PBLD: variants seen among roughly 807,000 people sequenced by gnomAD.
PBLD encodes the protein phenazine biosynthesis like protein domain containing.
Under a neutral mutation model 31.3 loss-of-function variants are expected in PBLD, and 26 were observed. The ratio of observed to expected loss-of-function variants is 0.83; its 90% CI spans 0.61 to 1.15. The LOEUF is 1.15. Among genes scored for constraint, PBLD ranks in the 50% most tolerant of loss-of-function variants. PBLD has a pLI of 0.00. For synonymous variants in PBLD, 114 were observed against 129.0 expected (o/e 0.88, Z 0.79); for missense variants, 307 against 351.7 (o/e 0.87, Z 1.02).
At chr10:68,298,911 C>A (rs958771196) in intron 2 of PBLD, among the ~76,000 whole-genome samples, 3 of 151,742 alleles carry the variant, frequency 2.0e-5, no homozygotes, top group African/African-American at 7.3e-5. Context: ...TTGAGACCAG[C>A]GTAGCCAATA....
Position 68,326,580 on chromosome 10 carries a change from A to T in PBLD, c.-60+6204T>A, listed in dbSNP as rs141951420. 2.1e-3 allele frequency among the ~76,000 whole-genome samples: 314 copies of T among 152,360 alleles called. 1 individual carries two copies. Among genetic ancestry groups the T allele is most frequent in the African/African-American group, 6.8e-3 (281 of 41,584 alleles). On this transcript the variant is annotated intron_variant, in intron 1 of 9. Transcript: ENST00000358769. ...GCTCTTAGGATACTGTACTTACTTT[A>T]AAAATTCTATTAAATTCACTGCTAT... is the stretch of plus-strand genomic sequence containing the variant.
At chr10:68,299,739 C>T (rs7902965) in intron 2 of PBLD, among the ~76,000 whole-genome samples, 18,888 of 151,730 alleles carry the variant, frequency 0.12, 1,580 homozygotes, top group South Asian at 0.25. Context: ...GCCTGTAATC[C>T]CAGCTACTCA....
chr10:68,327,361 T>G (rs188745843), intron 1 of PBLD, among the ~76,000 whole-genome samples: 1 of 152,152 alleles, frequency 6.6e-6, no homozygotes, highest in African/African-American at 2.4e-5. Flanking sequence ...GAGATCTATA[T>G]TTTTATCTAC....
intron 1 of PBLD, among the ~76,000 whole-genome samples, chr10:68,326,075 T>C (rs779432007): frequency 2.0e-5 from 3 of 152,184 alleles, no homozygotes; most frequent in Admixed American, 1.3e-4. Context: ...TTTTGTTTTG[T>C]TTTTGTTTTT....
chr10:68,319,053 G>GAGAAAAAGAAAGAA (rs2044781739), intron 1 of PBLD, among the ~76,000 whole-genome samples: 3 of 98,894 alleles, frequency 3.0e-5, no homozygotes, highest in Middle Eastern at 4.3e-3. Flanking sequence ...AAGAAAGAGA[G>GAGAAAAAGAAAGAA]AGAAAGAAAG....
At chr10:68,305,153 A>G (rs1374374307) in intron 2 of PBLD, among the ~76,000 whole-genome samples, 11 of 151,472 alleles carry the variant, frequency 7.3e-5, no homozygotes, top group Non-Finnish European at 1.6e-4. Context: ...TGAATCCAGG[A>G]GTTTGAGACC....
intron 1 of PBLD, among the ~76,000 whole-genome samples, chr10:68,314,877 C>CCTCCTGGGTT (rs1291001822): frequency 2.6e-5 from 4 of 152,108 alleles, no homozygotes; most frequent in African/African-American, 9.7e-5. Flanking sequence ...GCAACCTCTA[C>CCTCCTGGGTT]CTCCTGGGTT....
At chr10:68,319,587 G>A (rs922207129) in intron 1 of PBLD, among the ~76,000 whole-genome samples, 1 of 151,920 alleles carries the variant, frequency 6.6e-6, no homozygotes, top group Non-Finnish European at 1.5e-5. Context: ...CAGGTGTGGT[G>A]GTGTGTGCCA....
intron 6 of PBLD, among the ~76,000 whole-genome samples, chr10:68,290,402 C>A (rs2044343836): frequency 6.6e-6 from 1 of 152,166 alleles, no homozygotes. Context: ...CAGCCCTTAT[C>A]TGCATGAGTT....
At chr10:68,318,524 TAA>T (rs200095770) in intron 1 of PBLD, among the ~76,000 whole-genome samples, 9 of 139,488 alleles carry the variant, frequency 6.5e-5, no homozygotes, top group Admixed American at 1.4e-4. Flanking sequence ...CTGTCTCTTT[TAA>T]AAAAAAAAAA....
Position 68,282,987 on chromosome 10 carries a change from A to T in PBLD, c.*1190T>A, listed in dbSNP as rs1407759432. Reference sequence around the variant, plus strand: ...AAAACCCATTTTATTGAAGTAAGAGAAGAATTCCTTTTACATTATCATTCT... The same window carrying T: ...AAAACCCATTTTATTGAAGTAAGAGTAGAATTCCTTTTACATTATCATTCT... On this transcript the variant is annotated 3_prime_UTR_variant, in exon 10 of 10. Coordinates refer to ENST00000358769, the MANE Select transcript of PBLD (RefSeq NM_022129.4). The T allele has an allele frequency of 6.6e-6, 1 of 152,172 alleles. No individual in the cohort carries two copies. Among genetic ancestry groups the T allele is most frequent in the African/African-American group, 2.4e-5 (1 of 41,442 alleles). 9.4% of individuals were successfully genotyped at this position (152,172 alleles called of 1,614,324 possible).
At chr10:68,294,591 CT>C (rs1389307136) in intron 4 of PBLD, among the ~76,000 whole-genome samples, 3 of 152,218 alleles carry the variant, frequency 2.0e-5, no homozygotes, top group Non-Finnish European at 4.4e-5. Context: ...GTAAAAAGGC[CT>C]GAATCTTTGC....
At chr10:68,292,684 A>AT (rs2044375702) in intron 4 of PBLD, among the ~76,000 whole-genome samples, 1 of 151,840 alleles carries the variant, frequency 6.6e-6, no homozygotes, top group Non-Finnish European at 1.5e-5. Flanking sequence ...TAATTTTTGT[A>AT]TTTTTAGTAG....
intron 4 of PBLD, among the ~76,000 whole-genome samples, chr10:68,294,943 C>G (rs1221545412): frequency 6.6e-6 from 1 of 152,052 alleles, no homozygotes; most frequent in Non-Finnish European, 1.5e-5. Context: ...CCCACAGTGA[C>G]ATTCTGTCCT....
At chr10:68,306,366 A>G (rs2044579152) in intron 2 of PBLD, among the ~76,000 whole-genome samples, 1 of 152,204 alleles carries the variant, frequency 6.6e-6, no homozygotes, top group African/African-American at 2.4e-5. Flanking sequence ...AGCTATAGAT[A>G]AGGTTAAAGA....
At chr10:68,327,528 A>C (rs1013495486) in intron 1 of PBLD, among the ~76,000 whole-genome samples, 1 of 151,896 alleles carries the variant, frequency 6.6e-6, no homozygotes, top group Non-Finnish European at 1.5e-5. Context: ...AAATACAAAA[A>C]TTAGCTGGGC....
At chr10:68,301,476 G>A (rs2044505485) in intron 2 of PBLD, among the ~76,000 whole-genome samples, 1 of 152,184 alleles carries the variant, frequency 6.6e-6, no homozygotes, top group South Asian at 2.1e-4. Flanking sequence ...CACAACACCT[G>A]ATAGAAACTG....
chr10:68,294,223 GCTC>G (rs1480938579), intron 4 of PBLD, among the ~76,000 whole-genome samples: 1 of 152,094 alleles, frequency 6.6e-6, no homozygotes, highest in East Asian at 1.9e-4. Flanking sequence ...TGCCTGGGAT[GCTC>G]CTCCTCTCGC....
intron 4 of PBLD, among the ~76,000 whole-genome samples, chr10:68,294,860 T>C (rs977742453): frequency 2.6e-5 from 4 of 152,222 alleles, no homozygotes. Flanking sequence ...CCTGAGTAGC[T>C]GGGACTACCG....
Sources: gnomAD v4.1 joint callset for allele counts (sites outside exome capture counted in the v4.1 genomes callset) on GRCh38, gnomAD v4.1.1 for gene constraint, MANE v1.5 for transcripts, NCBI Gene and HGNC (gene_info 2026-07-23, HGNC 2026-07-21) for gene names.